The following PXN variants were observed in gnomAD, a reference collection of about 807,000 sequenced individuals.
PXN encodes the protein paxillin, also known as testicular tissue protein Li 134.
In PXN, 61 loss-of-function variants were observed where a neutral mutation model predicts 103.6. The ratio of observed to expected loss-of-function variants is 0.59; its 90% CI spans 0.48 to 0.73. The LOEUF (loss-of-function observed/expected upper bound fraction) is 0.73, where lower values mean the gene tolerates loss of function less well. Among genes scored for constraint, PXN ranks in the 30% least tolerant of loss-of-function variants. The pLI is 0.00. For missense variants in PXN, 1,274 were observed against 1,460.3 expected (o/e 0.87, Z 2.08); for synonymous variants, 562 against 607.8 (o/e 0.92, Z 1.11).
chr12:120,227,927 C>T (rs558534957), intron 1 of PXN, among the ~76,000 whole-genome samples: 3 of 152,342 alleles, frequency 2.0e-5, no homozygotes, highest in African/African-American at 7.2e-5. Flanking sequence ...AGCTGGCAGA[C>T]ACTGCACACA....
In PXN at chr12:120,215,995, C is replaced by A; in HGVS notation, c.2301+278G>T. Reference sequence around the variant, plus strand: ...TCTGGTCTCCCTTCTGGAGTGGCTTCTTTCCTCGATGGGAGCCCGGGGCAG... The same window carrying A: ...TCTGGTCTCCCTTCTGGAGTGGCTTATTTCCTCGATGGGAGCCCGGGGCAG... On this transcript the variant is annotated intron_variant, in intron 9 of 14. Transcript: ENST00000637617. The surrounding 1 kb of genome is among the most constrained non-coding windows in gnomAD (Gnocchi z 4.9). 7.4e-7 allele frequency: 1 copy of A among 1,346,126 alleles called. No homozygotes were observed. Among genetic ancestry groups the A allele is most frequent in the Admixed American group, 3.2e-5 (1 of 31,218 alleles). The allele number at this position is 1,346,126 out of a possible 1,614,324, so 83.4% of individuals were successfully genotyped here. A position where few individuals can be genotyped will look rare whatever the true frequency, so the allele number is the denominator to read the frequency against.
At position 120,217,047 on chromosome 12, in the gene PXN, G is replaced by A. The variant is rs939039948; in HGVS notation, c.1786C>T (p.Arg596Cys). The A allele has an allele frequency of 6.3e-6, 10 of 1,590,672 alleles. No homozygotes were observed. Among genetic ancestry groups the A allele is most frequent in the Admixed American group, 1.7e-5 (1 of 58,998 alleles). Residue 596 changes from arginine (R) to cysteine (C), a missense_variant, in exon 8 of 15, where the codon CGC becomes TGC. Arg to Cys is a radical substitution (Grantham distance 180). This residue lies in a region of PXN where 1,178 missense variants were observed against 1,309.0 expected (regional missense o/e 0.90). Coordinates refer to ENST00000637617, the MANE Select transcript of PXN (RefSeq NM_001385981.1). This position sits in a 1 kb window ranked among gnomAD's most constrained non-coding sequence, Gnocchi z 4.1. The stretch of plus-strand genomic sequence containing the variant: ...AAGGTGGCAGGGTCCAGCCGGCGGC[G>A]AGGGGAGGGCTCCCGGGACATGGGG... ...AHPMSREPSP[R>C]RRLDPATLSR...
Position 120,221,687 on chromosome 12 carries a change from C to T in PXN, c.767G>A (p.Arg256His), listed in dbSNP as rs754044109. Reference sequence around the variant, plus strand: ...CCTGGTGGCAGAGGAGGCCGAGATGCGTGTCTGCTGTTGGGTGGAGGTGAC... The same window carrying T: ...CCTGGTGGCAGAGGAGGCCGAGATGTGTGTCTGCTGTTGGGTGGAGGTGAC... ...QRVTSTQQQT[R>H]ISASSATREL... is the part of the protein sequence containing the mutation. Residue 256 changes from arginine (R) to histidine (H), a missense_variant, in exon 6 of 15, where the codon CGC becomes CAC. Arg to His is a conservative substitution (Grantham distance 29, BLOSUM62 0). This residue lies in a region of PXN where 1,178 missense variants were observed against 1,309.0 expected (regional missense o/e 0.90). Transcript: ENST00000637617. This position sits in a 1 kb window ranked among gnomAD's most constrained non-coding sequence, Gnocchi z 6.6. The T allele has an allele frequency of 1.1e-5, 17 of 1,567,642 alleles. No individual in the cohort carries two copies. Among genetic ancestry groups the T allele is most frequent in the East Asian group, 9.5e-5 (4 of 42,178 alleles).
intron 1 of PXN, among the ~76,000 whole-genome samples, chr12:120,252,614 T>G (rs1411122790): frequency 6.6e-6 from 1 of 152,052 alleles, no homozygotes; most frequent in African/African-American, 2.4e-5. Flanking sequence ...ACTGCATTTG[T>G]CATTAAACAT....
intron 1 of PXN, among the ~76,000 whole-genome samples, chr12:120,247,050 G>A (rs972037694): frequency 3.4e-5 from 5 of 145,756 alleles, no homozygotes; most frequent in African/African-American, 1.4e-4. Flanking sequence ...TTAAAAAAAA[G>A]AAGGCTAGAA....
At position 120,224,822 on chromosome 12, in the gene PXN, T is replaced by C; in HGVS notation, c.14-445A>G. Reference sequence around the variant, plus strand: ...GGCCCTCACTTGATTTCTAAGAGCTTAGGCTTTCCCAGCCCCCGACTGGAA... The same window carrying C: ...GGCCCTCACTTGATTTCTAAGAGCTCAGGCTTTCCCAGCCCCCGACTGGAA... On this transcript the variant is annotated intron_variant, in intron 1 of 14. Transcript: ENST00000637617. This position sits in a 1 kb window ranked among gnomAD's most constrained non-coding sequence, Gnocchi z 5.0. 2.3e-6 allele frequency: 1 copy of C among 438,328 alleles called. No individual in the cohort carries two copies. Among genetic ancestry groups the C allele is most frequent in the Admixed American group, 2.4e-5 (1 of 41,166 alleles). 27.2% of individuals were successfully genotyped at this position (438,328 alleles called of 1,614,324 possible). A position where few individuals can be genotyped will look rare whatever the true frequency, so the allele number is the denominator to read the frequency against.
At chr12:120,258,442 G>GC (rs1443627774) in intron 1 of PXN, among the ~76,000 whole-genome samples, 3 of 151,930 alleles carry the variant, frequency 2.0e-5, no homozygotes, top group African/African-American at 4.8e-5. Context: ...GTCACCTGAG[G>GC]CCCCCCCAGC....
rs751140512 is a variant in PXN at position 120,220,477 on chromosome 12, G to A, written c.832-386C>T. Among the ~76,000 whole-genome samples the A allele has an allele frequency of 1.5e-4, 23 of 152,232 alleles. No homozygotes were observed. The highest frequency in any genetic ancestry group is 3.1e-4 in the Non-Finnish European group (21 of 68,014). The stretch of plus-strand genomic sequence containing the variant: ...CCCGCCTCGGACACTGGCCCAACTC[G>A]GCCATGTCCCTCCGGACAATCCCAG... On this transcript the variant is annotated intron_variant, in intron 6 of 14. Coordinates refer to ENST00000637617, the MANE Select transcript of PXN (RefSeq NM_001385981.1). This position sits in a 1 kb window ranked among gnomAD's most constrained non-coding sequence, Gnocchi z 6.1.
In PXN at chr12:120,265,026, C is replaced by T. The variant is rs1894465345; in HGVS notation, c.13+591G>A. Among the ~76,000 whole-genome samples, 1 of 151,722 alleles carries T rather than the reference C, an allele frequency of 6.6e-6. No homozygotes were observed. The highest frequency in any genetic ancestry group is 1.5e-5 in the Non-Finnish European group (1 of 67,990). On this transcript the variant is annotated intron_variant, in intron 1 of 14. Transcript: ENST00000637617. The surrounding 1 kb of genome is among the most constrained non-coding windows in gnomAD (Gnocchi z 5.7). ...AATGGGGGTGTGGTCATCACACGCTCATCTCTAGCTTTTGCATCTGACTTG... is the reference window on the plus strand; with the variant it reads ...AATGGGGGTGTGGTCATCACACGCTTATCTCTAGCTTTTGCATCTGACTTG...
intron 1 of PXN, among the ~76,000 whole-genome samples, chr12:120,239,138 T>G (rs1460150764): frequency 3.3e-5 from 5 of 152,198 alleles, no homozygotes; most frequent in African/African-American, 1.2e-4. Flanking sequence ...TGCCACTGGT[T>G]TCTCCTTTTT....
In PXN at chr12:120,224,862, G is replaced by A. The variant is rs550897666; in HGVS notation, c.14-485C>T. On this transcript the variant is annotated intron_variant, in intron 1 of 14. Transcript: ENST00000637617. This position sits in a 1 kb window ranked among gnomAD's most constrained non-coding sequence, Gnocchi z 5.0. ...CCCGACTGGAAGGGGCACTCAGGAT[G>A]GTCCCTGCCCTCCTAACCAGGTGGA... 8.9e-5 allele frequency: 36 copies of A among 404,998 alleles called. No individual in the cohort carries two copies. The highest frequency in any genetic ancestry group is 6.3e-4 in the South Asian group (36 of 57,454). The allele number at this position is 404,998 out of a possible 1,614,324, so 25.1% of individuals were successfully genotyped here.
chr12:120,233,518 CT>C (rs1390933863), intron 1 of PXN, among the ~76,000 whole-genome samples: 2 of 152,106 alleles, frequency 1.3e-5, no homozygotes, highest in Admixed American at 6.6e-5. Flanking sequence ...GTTGGACAGG[CT>C]TGTCTCGAAC....
At position 120,244,867 on chromosome 12, in the gene PXN, T is replaced by TA. The variant is rs879288751; in HGVS notation, c.14-20491dup. ...ATAAAATAAAATAAATAATAAATAA[T>TA]AAAAAAAAATCAAAGGAATAGTCCA... is the stretch of plus-strand genomic sequence containing the variant. On this transcript the variant is annotated intron_variant, in intron 1 of 14. Coordinates refer to ENST00000637617, the MANE Select transcript of PXN (RefSeq NM_001385981.1). 3.1e-3 allele frequency among the ~76,000 whole-genome samples: 464 copies of TA among 150,552 alleles called. 8 individuals are homozygous for TA. Among genetic ancestry groups the TA allele is most frequent in the African/African-American group, 9.8e-3 (403 of 40,974 alleles).
In PXN at chr12:120,217,102, G is replaced by A. The variant is rs778327109; in HGVS notation, c.1731C>T (p.Ile577=). ...CGTGGCCAGACTCCCAGCTCCTCCT[G>A]ATCACAGATCGGATCTAGGGGGAGG... The part of the protein sequence containing the change: ...ISTSGQIRSV[I]RRSWESGHAH... The change falls in exon 8 of 15, where the codon ATC becomes ATT. Residue 577 remains isoleucine (I), a synonymous_variant. Transcript: ENST00000637617. The surrounding 1 kb of genome is among the most constrained non-coding windows in gnomAD (Gnocchi z 4.1). 1 of 1,588,496 alleles carries A rather than the reference G, an allele frequency of 6.3e-7. No homozygotes were observed. Among genetic ancestry groups the A allele is most frequent in the Non-Finnish European group, 8.5e-7 (1 of 1,175,838 alleles).
At chr12:120,252,970 G>C (rs1892428729) in intron 1 of PXN, among the ~76,000 whole-genome samples, 2 of 140,908 alleles carry the variant, frequency 1.4e-5, no homozygotes, top group Non-Finnish European at 3.0e-5. Context: ...CTGCACTCCA[G>C]CCTGGGTGAC....
chr12:120,221,599 G>T lies in PXN; in HGVS notation c.831+24C>A. ...GATGAGGGAGGGGCGGCAGGGCAGGGAAGATGGAGGGTTCACAGGGCACCT... is the reference window on the plus strand; with the variant it reads ...GATGAGGGAGGGGCGGCAGGGCAGGTAAGATGGAGGGTTCACAGGGCACCT... On this transcript the variant is annotated intron_variant, in intron 6 of 14. Coordinates refer to ENST00000637617, the MANE Select transcript of PXN (RefSeq NM_001385981.1). This position sits in a 1 kb window ranked among gnomAD's most constrained non-coding sequence, Gnocchi z 6.6. 1 of 1,552,806 alleles carries T rather than the reference G, an allele frequency of 6.4e-7. No individual in the cohort carries two copies. The highest frequency in any genetic ancestry group is 8.7e-7 in the Non-Finnish European group (1 of 1,147,754).
In PXN at chr12:120,214,837, G is replaced by C. The variant is rs764231232; in HGVS notation, c.2736C>G (p.Gly912=). Residue 912 remains glycine (G), a synonymous_variant, in exon 12 of 15, where the codon GGC becomes GGG. Coordinates refer to ENST00000637617, the MANE Select transcript of PXN (RefSeq NM_001385981.1). The surrounding 1 kb of genome is among the most constrained non-coding windows in gnomAD (Gnocchi z 5.0). The part of the protein sequence containing the change: ...LFSPRCYYCN[G]PILDKVVTAL... ...ATGAGGAACTCACATCCAGGATGGG[G>C]CCGTTGCAGTAGTAGCAGCGCGGGG... 1 of 1,614,006 alleles carries C rather than the reference G, an allele frequency of 6.2e-7. No homozygotes were observed. The highest frequency in any genetic ancestry group is 8.5e-7 in the Non-Finnish European group (1 of 1,179,874).
intron 1 of PXN, chr12:120,226,150 C>T (rs1464424168): frequency 5.0e-6 from 6 of 1,195,530 alleles, no homozygotes; most frequent in Middle Eastern, 3.8e-4. Context: ...TCCAGGGCCA[C>T]ACCTGCTGTC....
In PXN at chr12:120,222,537, G is replaced by C. The variant is rs1885495390; in HGVS notation, c.695+12C>G. On this transcript the variant is annotated intron_variant, in intron 5 of 14. Coordinates refer to ENST00000637617, the MANE Select transcript of PXN (RefSeq NM_001385981.1). This position sits in a 1 kb window ranked among gnomAD's most constrained non-coding sequence, Gnocchi z 4.7. The stretch of plus-strand genomic sequence containing the variant: ...CCCTTCCCCACCTGGGGAGGGCCCA[G>C]TGGGTACTCACACGGGGCTGGGCAC... 3.8e-6 allele frequency: 6 copies of C among 1,584,636 alleles called. No homozygotes were observed. The South Asian group carries it at 5.8e-5, about 15-fold the overall frequency.
Sources: allele counts gnomAD v4.1 joint callset (sites outside exome capture counted in the v4.1 genomes callset), GRCh38; gene constraint gnomAD v4.1.1; regional missense constraint gnomAD v4.1.1; non-coding constraint Gnocchi (gnomAD v3.1); transcripts MANE v1.5; gene names NCBI Gene and HGNC (gene_info 2026-07-23, HGNC 2026-07-21).